The following ADCY8 variants were observed in gnomAD, a reference collection of about 807,000 sequenced individuals.
ADCY8 encodes adenylate cyclase type 8.
In ADCY8, 51 loss-of-function variants were observed where a neutral mutation model predicts 119.7. The observed-to-expected ratio is 0.43, with a 90% CI of 0.34 to 0.54. ADCY8 has a LOEUF of 0.54. Among genes scored for constraint, ADCY8 ranks in the 20% least tolerant of loss-of-function variants. ADCY8 has a pLI of 0.03. For synonymous variants in ADCY8, 665 were observed against 651.0 expected (o/e 1.02, Z -0.33); for missense variants, 1,383 against 1,598.8 (o/e 0.87, Z 2.30).
chr8:130,849,582 G>A lies in ADCY8; in HGVS notation c.2412+20C>T, dbSNP rs763075790. On this transcript the variant is annotated intron_variant, in intron 10 of 17. Transcript: ENST00000286355. ...ACTGCACACTAGACACCAGAGGGTT[G>A]GTGGATGTGGGATGCTTACGATATT... 39 of 1,612,178 alleles carry A rather than the reference G, an allele frequency of 2.4e-5. No homozygotes were observed. The highest frequency in any genetic ancestry group is 2.9e-5 in the Non-Finnish European group (34 of 1,178,362).
intron 5 of ADCY8, among the ~76,000 whole-genome samples, chr8:130,932,061 T>A (rs760591774): frequency 1.3e-5 from 2 of 152,186 alleles, no homozygotes; most frequent in East Asian, 3.9e-4. Flanking sequence ...AAGTCCTTAT[T>A]ATAGTCTTCA....
At chr8:130,867,996 T>A in intron 8 of ADCY8, 50 bp from the exon 9 acceptor site, 1 of 1,264,468 alleles carries the variant, frequency 7.9e-7, no homozygotes, top group South Asian at 1.3e-5. Context: ...GAGTGCAGTG[T>A]TTGAGGTTGA....
chr8:130,887,033 C>A (rs958338833), intron 7 of ADCY8, among the ~76,000 whole-genome samples: 4 of 151,866 alleles, frequency 2.6e-5, no homozygotes, highest in Admixed American at 2.6e-4. Flanking sequence ...AAAGACAGTC[C>A]TTTACATTGA....
At chr8:130,888,947 C>G (rs1365754999) in intron 7 of ADCY8, among the ~76,000 whole-genome samples, 5 of 152,096 alleles carry the variant, frequency 3.3e-5, no homozygotes, top group African/African-American at 1.2e-4. Context: ...GGTGTACTGT[C>G]TAGAAACATC....
intron 13 of ADCY8, among the ~76,000 whole-genome samples, chr8:130,818,346 TC>T (rs1816407425): frequency 6.6e-6 from 1 of 152,172 alleles, no homozygotes. Flanking sequence ...AGGCGTGGCT[TC>T]CTCTGCTAAA....
intron 14 of ADCY8, among the ~76,000 whole-genome samples, chr8:130,810,138 G>A (rs1816115552): frequency 1.3e-5 from 2 of 152,124 alleles, no homozygotes; most frequent in Non-Finnish European, 2.9e-5. Flanking sequence ...GGGTGCTATT[G>A]TGGCTCCGTG....
At chr8:130,856,683 C>A (rs1411783946) in intron 9 of ADCY8, among the ~76,000 whole-genome samples, 1 of 152,164 alleles carries the variant, frequency 6.6e-6, no homozygotes, top group African/African-American at 2.4e-5. Context: ...ATATACATAT[C>A]TACATATGTG....
intron 11 of ADCY8, among the ~76,000 whole-genome samples, chr8:130,839,618 G>A (rs1486355709): frequency 1.4e-5 from 2 of 140,366 alleles, no homozygotes; most frequent in Non-Finnish European, 3.2e-5. Flanking sequence ...CATGTGTCCT[G>A]TAACTTGGGA....
rs141430880 is a variant in ADCY8, at chr8:130,921,356, T to C, written c.1482-11490A>G. On this transcript the variant is annotated intron_variant, in intron 5 of 17. Transcript: ENST00000286355. ...GCATGTGTGTATGTGTGTATTCTAC[T>C]ATGTATACTTTAAATGCATGAGCAT... is the stretch of plus-strand genomic sequence containing the variant. Among the ~76,000 whole-genome samples the C allele has an allele frequency of 3.7e-3, 570 of 152,250 alleles. 6 individuals are homozygous for C. Among genetic ancestry groups the C allele is most frequent in the African/African-American group, 0.012 (515 of 41,578 alleles).
intron 5 of ADCY8, among the ~76,000 whole-genome samples, chr8:130,920,680 G>A (rs971287660): frequency 6.6e-6 from 1 of 152,186 alleles, no homozygotes; most frequent in Non-Finnish European, 1.5e-5. Flanking sequence ...ATTTGGTTAG[G>A]CCTTTGTATC....
intron 16 of ADCY8, among the ~76,000 whole-genome samples, chr8:130,784,394 T>C (rs964614572): frequency 3.3e-5 from 5 of 152,204 alleles, no homozygotes; most frequent in African/African-American, 1.2e-4. Context: ...TTTCCAAATC[T>C]ATAAAATGGG....
chr8:130,925,649 C>T (rs1322914504), intron 5 of ADCY8, among the ~76,000 whole-genome samples: 1 of 152,204 alleles, frequency 6.6e-6, no homozygotes, highest in African/African-American at 2.4e-5. Context: ...GTCACAATCA[C>T]ATCCAGCAAT....
intron 15 of ADCY8, among the ~76,000 whole-genome samples, chr8:130,796,879 C>T (rs921945564): frequency 1.3e-5 from 2 of 151,476 alleles, no homozygotes; most frequent in African/African-American, 4.9e-5. Flanking sequence ...TCATACTTTT[C>T]CTCCTGGTCT....
intron 8 of ADCY8, among the ~76,000 whole-genome samples, chr8:130,876,279 G>A (rs1356760026): frequency 1.3e-5 from 2 of 152,084 alleles, no homozygotes. Flanking sequence ...TTGAACTCCT[G>A]ACCTCAAGTG....
chr8:130,962,961 C>T (rs1442519481), intron 2 of ADCY8, among the ~76,000 whole-genome samples: 2 of 152,132 alleles, frequency 1.3e-5, no homozygotes, highest in Non-Finnish European at 2.9e-5. Context: ...CTAATTAAAA[C>T]CTCACATTAA....
chr8:130,970,354 C>T (rs889104240), intron 2 of ADCY8, among the ~76,000 whole-genome samples: 1 of 152,158 alleles, frequency 6.6e-6, no homozygotes, highest in Non-Finnish European at 1.5e-5. Context: ...CTATGGTGAA[C>T]CGTGCATGTG....
intron 7 of ADCY8, among the ~76,000 whole-genome samples, chr8:130,886,484 G>T (rs1818988173): frequency 6.6e-6 from 1 of 152,132 alleles, no homozygotes; most frequent in Non-Finnish European, 1.5e-5. Flanking sequence ...CAGCATCCCA[G>T]AGAGCAAAGG....
At chr8:130,915,367 TA>T (rs1438442418) in intron 5 of ADCY8, among the ~76,000 whole-genome samples, 1 of 152,210 alleles carries the variant, frequency 6.6e-6, no homozygotes, top group Admixed American at 6.5e-5. Context: ...ACAGGACGCA[TA>T]ATTCAGTAGC....
intron 1 of ADCY8, among the ~76,000 whole-genome samples, chr8:131,035,766 T>C (rs1483880894): frequency 6.6e-6 from 1 of 152,182 alleles, no homozygotes; most frequent in East Asian, 1.9e-4. Context: ...AACTCTATAC[T>C]CCCATTTTCG....
Sources: gnomAD v4.1 joint callset for allele counts (sites outside exome capture counted in the v4.1 genomes callset) on GRCh38, gnomAD v4.1.1 for gene constraint, MANE v1.5 for transcripts, NCBI Gene and HGNC (gene_info 2026-07-23, HGNC 2026-07-21) for gene names.